Variants in MDFIC2 observed in about 807,000 individuals in gnomAD.
The protein encoded by MDFIC2 is MyoD family inhibitor domain containing 2.
intron 2 of MDFIC2, among the ~76,000 whole-genome samples, chr3:70,208,434 T>C (rs1231407113): frequency 1.3e-5 from 2 of 152,132 alleles, no homozygotes; most frequent in African/African-American, 4.8e-5. Flanking sequence ...TAGTGGGTTC[T>C]GCTTTCTAAG....
chr3:70,293,045 C>CA (rs55990203), intron 2 of MDFIC2, among the ~76,000 whole-genome samples: 12,175 of 74,422 alleles, frequency 0.16, 2,081 homozygotes, highest in Non-Finnish European at 0.21. Flanking sequence ...TGGTTTGAAG[C>CA]AAAAAAAAAA....
chr3:70,217,700 A>G (rs1701428324), intron 2 of MDFIC2, among the ~76,000 whole-genome samples: 1 of 152,132 alleles, frequency 6.6e-6, no homozygotes, highest in African/African-American at 2.4e-5. Flanking sequence ...AATCTCTTGC[A>G]TGATATCGAA....
intron 2 of MDFIC2, among the ~76,000 whole-genome samples, chr3:70,259,349 A>G (rs1701844734): frequency 6.6e-6 from 1 of 152,134 alleles, no homozygotes; most frequent in Non-Finnish European, 1.5e-5. Context: ...GAGGATCTAA[A>G]GTGACCTTGA....
chr3:70,245,784 G>A (rs1017241075), intron 2 of MDFIC2, among the ~76,000 whole-genome samples: 38 of 142,802 alleles, frequency 2.7e-4, no homozygotes, highest in Admixed American at 4.4e-4. Context: ...CATCATGAAG[G>A]TTGACAATTT....
chr3:70,311,033 A>C (rs1035443809), intron 2 of MDFIC2, among the ~76,000 whole-genome samples: 4 of 152,216 alleles, frequency 2.6e-5, no homozygotes, highest in Admixed American at 2.6e-4. Context: ...ATAAATATCA[A>C]TAAACATTGT....
intron 2 of MDFIC2, among the ~76,000 whole-genome samples, chr3:70,309,327 G>A (rs570074151): frequency 7.9e-5 from 12 of 152,098 alleles, no homozygotes; most frequent in Admixed American, 2.6e-4. Flanking sequence ...ATTAAAAGGA[G>A]GAATTTATAT....
At chr3:70,276,626 T>A (rs1461273490) in intron 2 of MDFIC2, among the ~76,000 whole-genome samples, 1 of 152,242 alleles carries the variant, frequency 6.6e-6, no homozygotes, top group Non-Finnish European at 1.5e-5. Context: ...TACCTTCTAA[T>A]AATCTAAGGT....
At chr3:70,209,892 CCTT>C (rs1323290638) in intron 2 of MDFIC2, among the ~76,000 whole-genome samples, 1 of 152,036 alleles carries the variant, frequency 6.6e-6, no homozygotes, top group East Asian at 1.9e-4. Context: ...CTCAGGGAAT[CCTT>C]CTTGTTCCAT....
At chr3:70,291,949 G>C (rs144611116) in intron 2 of MDFIC2, 2 of 152,150 alleles carry the variant, frequency 1.3e-5, no homozygotes, top group Non-Finnish European at 2.9e-5. Context: ...CAGTGGTCCT[G>C]CTTTATTTCT....
At chr3:70,280,400 A>G (rs1236563485) in intron 2 of MDFIC2, among the ~76,000 whole-genome samples, 1 of 152,140 alleles carries the variant, frequency 6.6e-6, no homozygotes, top group South Asian at 2.1e-4. Flanking sequence ...GGTGGCCATT[A>G]TTCAACCTAC....
At chr3:70,249,178 TTAAG>T (rs1025044667) in intron 2 of MDFIC2, 7 of 152,160 alleles carry the variant, frequency 4.6e-5, no homozygotes, top group African/African-American at 1.4e-4. Context: ...TAGGAACACT[TTAAG>T]TGATTGATCT....
chr3:70,237,977 A>ATTTTTT (rs1251005797), intron 2 of MDFIC2, among the ~76,000 whole-genome samples: 44 of 12,984 alleles, frequency 3.4e-3, no homozygotes, highest in Middle Eastern at 0.056. Flanking sequence ...ATTGAGTGGT[A>ATTTTTT]TCTTTTTTTT....
chr3:70,209,760 C>T (rs4527342), intron 2 of MDFIC2, among the ~76,000 whole-genome samples: 1 of 152,086 alleles, frequency 6.6e-6, no homozygotes, highest in African/African-American at 2.4e-5. Flanking sequence ...TCAGCAAAAC[C>T]TCCTCACCCT....
At chr3:70,278,240 T>A (rs9682662) in intron 2 of MDFIC2, among the ~76,000 whole-genome samples, 8,840 of 152,268 alleles carry the variant, frequency 0.058, 628 homozygotes, top group East Asian at 0.36. Context: ...GAAAGATTCA[T>A]TTACATTCTT....
At chr3:70,297,236 T>C (rs1045002874) in intron 2 of MDFIC2, among the ~76,000 whole-genome samples, 7 of 152,132 alleles carry the variant, frequency 4.6e-5, no homozygotes, top group Non-Finnish European at 1.0e-4. Context: ...AATTAGTTAT[T>C]GTAAAATGAG....
chr3:70,219,043 G>A (rs1701438703), intron 2 of MDFIC2, among the ~76,000 whole-genome samples: 1 of 152,074 alleles, frequency 6.6e-6, no homozygotes, highest in South Asian at 2.1e-4. Context: ...CCAATTTTTA[G>A]TAAAGGCAGG....
chr3:70,287,954 T>C (rs1185678535), intron 2 of MDFIC2, among the ~76,000 whole-genome samples: 3 of 152,188 alleles, frequency 2.0e-5, no homozygotes, highest in Non-Finnish European at 4.4e-5. Flanking sequence ...TCTCTTTTTT[T>C]CTTTATTAGT....
intron 2 of MDFIC2, among the ~76,000 whole-genome samples, chr3:70,294,728 C>T (rs1424387869): frequency 6.6e-6 from 1 of 152,086 alleles, no homozygotes; most frequent in Non-Finnish European, 1.5e-5. Flanking sequence ...ATCAATGGCA[C>T]AACACCACTT....
chr3:70,304,125 T>C (rs915405688), intron 2 of MDFIC2, among the ~76,000 whole-genome samples: 2 of 152,108 alleles, frequency 1.3e-5, no homozygotes, highest in Non-Finnish European at 2.9e-5. Flanking sequence ...AGGGCCTGCT[T>C]CCAGCCAAGC....
Sources: allele counts gnomAD v4.1 joint callset (sites outside exome capture counted in the v4.1 genomes callset), GRCh38; gene constraint gnomAD v4.1.1; transcripts MANE v1.5; gene names NCBI Gene and HGNC (gene_info 2026-07-23, HGNC 2026-07-21).